The following COL6A3 variants were observed in gnomAD, a reference collection of about 807,000 sequenced individuals.
COL6A3 encodes collagen type VI alpha 3 chain.
Under a neutral mutation model 274.1 loss-of-function variants are expected in COL6A3, and 137 were observed. The observed-to-expected ratio is 0.50, with a 90% CI of 0.44 to 0.58. The LOEUF (loss-of-function observed/expected upper bound fraction) is 0.58. Among genes scored for constraint, COL6A3 ranks in the 20% least tolerant of loss-of-function variants. The pLI, the probability that COL6A3 is intolerant of heterozygous loss-of-function variation, is 0.00. For synonymous variants in COL6A3, 1,650 were observed against 1,650.6 expected, an observed-to-expected ratio of 1.00 and a Z score of 0.01; for missense variants, 3,950 against 4,124.9, an observed-to-expected ratio of 0.96 and a Z score of 1.16.
chr2:237,368,732 G>A lies in COL6A3; in HGVS notation c.4731C>T (p.Asn1577=), dbSNP rs2077612598. 6.2e-7 allele frequency: 1 copy of A among 1,614,198 alleles called. No individual in the cohort carries two copies. The highest frequency in any genetic ancestry group is 1.6e-4 in the Middle Eastern group (1 of 6,062). Residue 1577 remains asparagine (N), a synonymous_variant, in exon 10 of 44, where the codon AAC becomes AAT. Transcript: ENST00000295550. The surrounding 1 kb of genome is among the most constrained non-coding windows in gnomAD (Gnocchi z 4.4). ...TGGTCTGCAGCTCTGTTCTGTCGAT[G>A]TTCCGGTCTCCTACCCCTAAACTCA... is the stretch of plus-strand genomic sequence containing the variant. ...GIVSLGVGDR[N]IDRTELQTIT... is the part of the protein sequence containing the mutation.
intron 5 of COL6A3, among the ~76,000 whole-genome samples, chr2:237,380,702 T>C (rs1301986646): frequency 6.6e-6 from 1 of 152,248 alleles, no homozygotes; most frequent in Non-Finnish European, 1.5e-5. Context: ...TTAAATCATA[T>C]GGTTCTTATA....
chr2:237,364,530 A>G lies in COL6A3; in HGVS notation c.5839-102T>C. 1.1e-6 allele frequency: 1 copy of G among 919,296 alleles called. No individual in the cohort carries two copies. The highest frequency in any genetic ancestry group is 1.3e-5 in the South Asian group (1 of 75,206). 56.9% of individuals were successfully genotyped at this position (919,296 alleles called of 1,614,324 possible). ...CTCGCTGTCTCAAGCCCTTCATTTT[A>G]CACTTAAGGAAACTGAGGGCCCAAG... On this transcript the variant is annotated intron_variant, in intron 12 of 43. Coordinates refer to ENST00000295550, the MANE Select transcript of COL6A3 (RefSeq NM_004369.4). This position sits in a 1 kb window ranked among gnomAD's most constrained non-coding sequence, Gnocchi z 4.6.
In COL6A3 at chr2:237,365,852, G is replaced by C; in HGVS notation, c.5684C>G (p.Ser1895Trp). 1.2e-6 allele frequency: 2 copies of C among 1,614,206 alleles called. No individual in the cohort carries two copies. Among genetic ancestry groups the C allele is most frequent in the Non-Finnish European group, 1.7e-6 (2 of 1,180,034 alleles). ...VRVSVVANTPSGPVEAFDFDE... is the reference protein window; with the variant it reads ...VRVSVVANTPWGPVEAFDFDE... Reference sequence around the variant, plus strand: ...AAAGTCAAAGGCCTCCACCGGGCCCGAGGGCGTGTTGGCCACCACTGACAC... The same window carrying C: ...AAAGTCAAAGGCCTCCACCGGGCCCCAGGGCGTGTTGGCCACCACTGACAC... The change falls in exon 12 of 44, where the codon TCG becomes TGG. Residue 1895 changes from serine to tryptophan, a missense_variant. By Grantham distance (177) the Ser-to-Trp change is radical. This residue lies in a region of COL6A3 where 632 missense variants were observed against 623.4 expected (regional missense o/e 1.01). Coordinates refer to ENST00000295550, the MANE Select transcript of COL6A3 (RefSeq NM_004369.4).
intron 1 of COL6A3, among the ~76,000 whole-genome samples, chr2:237,403,824 C>T (rs894746457): frequency 6.8e-6 from 1 of 148,098 alleles, no homozygotes; most frequent in Non-Finnish European, 1.5e-5. Flanking sequence ...CCTACCCCCA[C>T]CGTGCCACAG....
At chr2:237,331,862 C>T (rs1700245259) in intron 42 of COL6A3, among the ~76,000 whole-genome samples, 1 of 150,850 alleles carries the variant, frequency 6.6e-6, no homozygotes, top group Non-Finnish European at 1.5e-5. Context: ...GGGTTATGCC[C>T]CAATTAGTAT....
rs1313490893 is a variant in COL6A3, at chr2:237,353,383, G to T, written c.6648C>A (p.Gly2216=). ...PGAKGNKGGP[G]QPGFEGEQGT... is the part of the protein sequence containing the mutation. ...CCTGCTCTCCCTCAAAGCCCGGCTG[G>T]CCAGGACCGCCCTTGTTGCCCTTTG... Residue 2216 remains glycine, a synonymous_variant, in exon 25 of 44, where the codon GGC becomes GGA. Coordinates refer to ENST00000295550, the MANE Select transcript of COL6A3 (RefSeq NM_004369.4). The T allele has an allele frequency of 5.6e-6, 9 of 1,614,126 alleles. No homozygotes were observed. The South Asian group carries it at 9.9e-5, about 18-fold the overall frequency.
Position 237,396,769 on chromosome 2 carries a change from G to C in COL6A3, c.49C>G (p.Leu17Val). ...GCATGAGTTGTAGGAAAGCCTGAGA[G>C]AAAGAGGCAAAAGACGGCCACTAAG... ...LPLVAVFCLF[L>V]SGFPTTHAQQ... Residue 17 changes from leucine to valine, a missense_variant, in exon 2 of 44, where the codon CTC (leucine) becomes GTC (valine). Transcript: ENST00000295550. 6.2e-7 allele frequency: 1 copy of C among 1,614,164 alleles called. No homozygotes were observed. The highest frequency in any genetic ancestry group is 1.1e-5 in the South Asian group (1 of 91,082).
chr2:237,372,028 C>T lies in COL6A3; in HGVS notation c.3989G>A (p.Ser1330Asn). 1 of 1,614,102 alleles carries T rather than the reference C, an allele frequency of 6.2e-7. No individual in the cohort carries two copies. ...CTGCGGGACGCCCTCTTCAATGCGG[C>T]TCCCCAGGGGCCTCTTGAAGATGTT... ...SRNIFKRPLG[S>N]RIEEGVPQFL... The change falls in exon 9 of 44, where the codon AGC becomes AAC. Residue 1330 changes from serine to asparagine, a missense_variant. This residue lies in a region of COL6A3 where 1,934 missense variants were observed against 1,984.3 expected (regional missense o/e 0.97). Transcript: ENST00000295550.
intron 4 of COL6A3, 36 bp from the exon 5 acceptor site, chr2:237,381,535 C>T: frequency 6.7e-7 from 1 of 1,487,952 alleles, no homozygotes; most frequent in Non-Finnish European, 9.2e-7. Context: ...ATTAGAATGG[C>T]CTTACCAAGC....
At chr2:237,378,260 C>T (rs1227980186) in intron 6 of COL6A3, among the ~76,000 whole-genome samples, 2 of 152,148 alleles carry the variant, frequency 1.3e-5, no homozygotes, top group Non-Finnish European at 2.9e-5. Flanking sequence ...ACAATTTCAA[C>T]GTTTAAATAA....
chr2:237,407,268 G>A lies in COL6A3; in HGVS notation c.-31+6685C>T, dbSNP rs575726740. ...AACAATAATCTGTTTGACTCAAACTGAATGTGTATCCTGTGATAGCAACAT... is the reference window on the plus strand; with the variant it reads ...AACAATAATCTGTTTGACTCAAACTAAATGTGTATCCTGTGATAGCAACAT... On this transcript the variant is annotated intron_variant, in intron 1 of 43. Transcript: ENST00000295550. The surrounding 1 kb of genome is among the most constrained non-coding windows in gnomAD (Gnocchi z 4.3). Among the ~76,000 whole-genome samples the A allele has an allele frequency of 8.7e-4, 133 of 152,304 alleles. No homozygotes were observed. Among genetic ancestry groups the A allele is most frequent in the African/African-American group, 3.0e-3 (124 of 41,578 alleles).
At position 237,334,794 on chromosome 2, in the gene COL6A3, C is replaced by A; in HGVS notation, c.9061G>T (p.Asp3021Tyr). 1 of 1,614,094 alleles carries A rather than the reference C, an allele frequency of 6.2e-7. No homozygotes were observed. The highest frequency in any genetic ancestry group is 8.5e-7 in the Non-Finnish European group (1 of 1,180,008). The change falls in exon 41 of 44, where the codon GAC (aspartate) becomes TAC (tyrosine). Residue 3021 changes from aspartate to tyrosine, a missense_variant. Transcript: ENST00000295550. Reference sequence around the variant, plus strand: ...TCATGGGCTGAGGTGACGGTGAGGTCATAAAAATAAGGACCGGGGGGCTCA... The same window carrying A: ...TCATGGGCTGAGGTGACGGTGAGGTAATAAAAATAAGGACCGGGGGGCTCA... ...RAEPPGPYFY[D>Y]LTVTSAHDQS...
intron 1 of COL6A3, among the ~76,000 whole-genome samples, chr2:237,411,051 T>G (rs1012025733): frequency 4.6e-5 from 7 of 152,176 alleles, no homozygotes. Context: ...TCGTCAGCTA[T>G]TTATGTAGCA....
chr2:237,397,305 G>A (rs1005053351), intron 1 of COL6A3, among the ~76,000 whole-genome samples: 1 of 144,846 alleles, frequency 6.9e-6, no homozygotes, highest in Non-Finnish European at 1.5e-5. Flanking sequence ...GGAAGGAAAG[G>A]AAGGGAAAGA....
At chr2:237,398,656 G>A (rs946399462) in intron 1 of COL6A3, among the ~76,000 whole-genome samples, 1 of 152,178 alleles carries the variant, frequency 6.6e-6, no homozygotes, top group African/African-American at 2.4e-5. Context: ...TGCTCAGTTT[G>A]ATGCTTTGAT....
Position 237,365,931 on chromosome 2 carries a change from T to C in COL6A3, c.5605A>G (p.Ile1869Val), listed in dbSNP as rs1417285945. The C allele has an allele frequency of 1.9e-6, 3 of 1,614,144 alleles. No individual in the cohort carries two copies. The highest frequency in any genetic ancestry group is 3.3e-4 in the Middle Eastern group (2 of 6,062). The change falls in exon 12 of 44, where the codon ATC becomes GTC. Residue 1869 changes from isoleucine to valine, a missense_variant. Ile to Val is a conservative substitution (Grantham distance 29). Transcript: ENST00000295550. ...ESKVDAILNR[I>V]SQMHRVSCSG... is the part of the protein sequence containing the mutation. ...CAGCTGACCCTGTGCATCTGGCTGA[T>C]TCTGTTCAAGATGGCGTCCACCTTG...
At chr2:237,355,328 A>G in intron 23 of COL6A3, 1 of 192,590 alleles carries the variant, frequency 5.2e-6, no homozygotes. Flanking sequence ...CTGTACTGAG[A>G]AGTCATGAAA....
chr2:237,325,541 A>G lies in COL6A3; in HGVS notation c.9493+19T>C. The G allele has an allele frequency of 6.2e-7, 1 of 1,614,096 alleles. No homozygotes were observed. The highest frequency in any genetic ancestry group is 8.5e-7 in the Non-Finnish European group (1 of 1,179,978). ...TCTCTTATTTGCAGAAGCCATAAACACAAGGAAGAATCACTTACCAGGAGC... is the reference window on the plus strand; with the variant it reads ...TCTCTTATTTGCAGAAGCCATAAACGCAAGGAAGAATCACTTACCAGGAGC... On this transcript the variant is annotated intron_variant, in intron 43 of 43. Transcript: ENST00000295550.
At position 237,366,913 on chromosome 2, in the gene COL6A3, A is replaced by C. The variant is rs779653461; in HGVS notation, c.5274T>G (p.Asp1758Glu). The change falls in exon 11 of 44, where the codon GAT (aspartate) becomes GAG (glutamate). Residue 1758 changes from aspartate to glutamate, a missense_variant. Physicochemically the swap from Asp to Glu is conservative, Grantham distance 45. Coordinates refer to ENST00000295550, the MANE Select transcript of COL6A3 (RefSeq NM_004369.4). ...TGAGGGCCAGGCTCACATCCTGTGC[A>C]TCTTCCACCGACTTTCCTCCCGTGA... ...FVITGGKSVE[D>E]AQDVSLALTQ... 1 of 1,614,192 alleles carries C rather than the reference A, an allele frequency of 6.2e-7. No homozygotes were observed. The highest frequency in any genetic ancestry group is 8.5e-7 in the Non-Finnish European group (1 of 1,180,038).
Sources: allele counts gnomAD v4.1 joint callset (sites outside exome capture counted in the v4.1 genomes callset), GRCh38; gene constraint gnomAD v4.1.1; regional missense constraint gnomAD v4.1.1; non-coding constraint Gnocchi (gnomAD v3.1); transcripts MANE v1.5; gene names NCBI Gene and HGNC (gene_info 2026-07-23, HGNC 2026-07-21).